The following LINGO2 variants were observed in gnomAD, a reference collection of about 807,000 sequenced individuals.
The protein encoded by LINGO2 is leucine-rich repeat and immunoglobulin-like domain-containing nogo receptor-interacting protein 2.
A neutral mutation model predicts 30.6 loss-of-function variants in LINGO2; 14 were observed. The ratio of observed to expected loss-of-function variants is 0.46; its 90% CI spans 0.30 to 0.72. LINGO2 has a LOEUF of 0.72. LINGO2 is among the 30% of genes least tolerant of loss of function. The pLI is 0.07. For synonymous variants in LINGO2, 317 were observed against 288.5 expected, an observed-to-expected ratio of 1.10 and a Z score of -1.00; for missense variants, 729 against 751.7, an observed-to-expected ratio of 0.97 and a Z score of 0.35.
At chr9:29,081,799 G>C in the LINGO2 span, among the ~76,000 whole-genome samples, 1 of 151,892 alleles carries the variant, frequency 6.6e-6, no homozygotes, top group African/African-American at 2.4e-5. Context: ...CAGACAGAGA[G>C]CCAAATCATG....
the LINGO2 span, among the ~76,000 whole-genome samples, chr9:28,795,233 A>C: frequency 6.6e-6 from 1 of 152,200 alleles, no homozygotes; most frequent in African/African-American, 2.4e-5. Flanking sequence ...CTGTATTTCC[A>C]GTGTAGTCTT....
At chr9:27,954,032 A>G (rs772521180) in intron 5 of LINGO2, among the ~76,000 whole-genome samples, 9 of 152,268 alleles carry the variant, frequency 5.9e-5, no homozygotes, top group Non-Finnish European at 1.3e-4. Context: ...ACATACCTGT[A>G]TTACTTTTAT....
At chr9:29,166,093 G>A in the LINGO2 span, among the ~76,000 whole-genome samples, 41,189 of 151,856 alleles carry the variant, frequency 0.27, 5,861 homozygotes, top group East Asian at 0.45. Context: ...AATAGAGCTA[G>A]GAATTTGGGA....
chr9:29,042,210 T>C, the LINGO2 span, among the ~76,000 whole-genome samples: 3 of 151,934 alleles, frequency 2.0e-5, no homozygotes, highest in Non-Finnish European at 2.9e-5. Context: ...GAATTTAAAA[T>C]AATATAGCCA....
intron 4 of LINGO2, among the ~76,000 whole-genome samples, chr9:28,013,264 T>G (rs1477467434): frequency 6.6e-6 from 1 of 152,196 alleles, no homozygotes; most frequent in South Asian, 2.1e-4. Context: ...TATATGTATT[T>G]TAAATTCTTC....
the LINGO2 span, among the ~76,000 whole-genome samples, chr9:29,107,955 A>T: frequency 6.6e-6 from 1 of 152,090 alleles, no homozygotes; most frequent in Non-Finnish European, 1.5e-5. Flanking sequence ...GATTGAAAAG[A>T]TACATTAGAG....
chr9:28,699,637 AT>A, the LINGO2 span, among the ~76,000 whole-genome samples: 9 of 152,110 alleles, frequency 5.9e-5, 1 homozygote, highest in South Asian at 1.9e-3. Flanking sequence ...ATAGAGCCAT[AT>A]TTTTTCTTCT....
intron 4 of LINGO2, among the ~76,000 whole-genome samples, chr9:28,246,924 AC>A: frequency 6.6e-6 from 1 of 152,190 alleles, no homozygotes; most frequent in Non-Finnish European, 1.5e-5. Flanking sequence ...CAAACAAACA[AC>A]CCTTTTTCAA....
intron 4 of LINGO2, among the ~76,000 whole-genome samples, chr9:28,038,034 A>C (rs1358813209): frequency 2.0e-5 from 3 of 152,232 alleles, no homozygotes; most frequent in Non-Finnish European, 4.4e-5. Flanking sequence ...AGTGGTAGTG[A>C]GTTTCAGAGC....
At chr9:29,095,722 C>T in the LINGO2 span, among the ~76,000 whole-genome samples, 3 of 139,050 alleles carry the variant, frequency 2.2e-5, 1 homozygote, top group Non-Finnish European at 4.7e-5. Context: ...AGTGTTGGGA[C>T]TGGGAGTCCT....
At chr9:28,888,932 T>G in the LINGO2 span, 1 of 533,246 alleles carries the variant, frequency 1.9e-6, no homozygotes, top group Non-Finnish European at 3.9e-6. Context: ...AATAGGAGAC[T>G]CACAAGTTCC....
the LINGO2 span, among the ~76,000 whole-genome samples, chr9:29,213,047 G>A: frequency 6.6e-6 from 1 of 152,214 alleles, no homozygotes; most frequent in African/African-American, 2.4e-5. Flanking sequence ...CTTTCCAAGG[G>A]ATCAGGAGGG....
chr9:28,484,864 C>A (rs1237917769), intron 1 of LINGO2, among the ~76,000 whole-genome samples: 1 of 152,092 alleles, frequency 6.6e-6, no homozygotes, highest in African/African-American at 2.4e-5. Context: ...GTGTTGTGAG[C>A]AACCCACAGA....
chr9:28,490,896 G>A (rs1196685936), intron 1 of LINGO2, among the ~76,000 whole-genome samples: 3 of 152,066 alleles, frequency 2.0e-5, no homozygotes, highest in Non-Finnish European at 4.4e-5. Context: ...ATATCAAAGG[G>A]TGTATGTAAA....
chr9:28,867,972 A>G, the LINGO2 span, among the ~76,000 whole-genome samples: 2 of 152,182 alleles, frequency 1.3e-5, no homozygotes, highest in African/African-American at 4.8e-5. Context: ...TAATACTTAA[A>G]CATTTTGTAA....
chr9:28,645,925 C>A (rs1827820766), intron 1 of LINGO2, among the ~76,000 whole-genome samples: 1 of 152,070 alleles, frequency 6.6e-6, no homozygotes, highest in South Asian at 2.1e-4. Context: ...GAGTTGAATA[C>A]CAGGTCTCTT....
At chr9:28,666,261 T>C (rs1828797606) in intron 1 of LINGO2, among the ~76,000 whole-genome samples, 1 of 152,132 alleles carries the variant, frequency 6.6e-6, no homozygotes, top group Non-Finnish European at 1.5e-5. Flanking sequence ...TCTCAGAAGC[T>C]GATATGCTTA....
intron 4 of LINGO2, among the ~76,000 whole-genome samples, chr9:28,102,711 G>A (rs1441661537): frequency 2.0e-5 from 3 of 152,060 alleles, no homozygotes; most frequent in Non-Finnish European, 2.9e-5. Flanking sequence ...AGAGCCATAC[G>A]AGTTTGATCC....
At chr9:28,347,969 G>C (rs534683458) in intron 3 of LINGO2, among the ~76,000 whole-genome samples, 2 of 152,174 alleles carry the variant, frequency 1.3e-5, no homozygotes, top group African/African-American at 4.8e-5. Flanking sequence ...AAAAGATTTG[G>C]ATGTAAAGAA....
Sources: gnomAD v4.1 joint callset for allele counts (sites outside exome capture counted in the v4.1 genomes callset) on GRCh38, gnomAD v4.1.1 for gene constraint, MANE v1.5 for transcripts, NCBI Gene and HGNC (gene_info 2026-07-23, HGNC 2026-07-21) for gene names.